The following COL4A2 variants were observed in gnomAD, a reference collection of about 807,000 sequenced individuals.
The protein encoded by COL4A2 is collagen type IV alpha 2 chain.
A neutral mutation model predicts 200.2 loss-of-function variants in COL4A2; 99 were observed. That is an observed-to-expected ratio of 0.49 (90% CI 0.42 to 0.58). COL4A2 has a LOEUF of 0.58. Among genes scored for constraint, COL4A2 ranks in the 20% least tolerant of loss-of-function variants. The pLI, the probability that COL4A2 is intolerant of heterozygous loss-of-function variation, is 0.00. For synonymous variants in COL4A2, 897 were observed against 900.6 expected (o/e 1.00, Z 0.07); for missense variants, 1,950 against 2,314.1 (o/e 0.84, Z 3.23).
At chr13:110,462,253 G>A in intron 23 of COL4A2, 25 bp from the exon 24 acceptor site, 1 of 1,614,220 alleles carries the variant, frequency 6.2e-7, no homozygotes, top group South Asian at 1.1e-5. Context: ...TGCCTGGGCA[G>A]CTTCACATGC....
rs563790171 is a variant in COL4A2, at chr13:110,438,045, G to A, written c.861+8G>A. The A allele has an allele frequency of 1.1e-5, 18 of 1,612,620 alleles. No individual in the cohort carries two copies. Among genetic ancestry groups the A allele is most frequent in the African/African-American group, 6.7e-5 (5 of 75,012 alleles). ...GGGGAACCAGGAATAAGAGTAAGTC[G>A]AGTAATGAGCATGCCCCCTCCCCTG... On this transcript the variant is annotated splice_region_variant and intron_variant, in intron 14 of 47. Coordinates refer to ENST00000360467, the MANE Select transcript of COL4A2 (RefSeq NM_001846.4).
chr13:110,412,762 C>T (rs576660551), intron 4 of COL4A2, among the ~76,000 whole-genome samples: 6 of 152,328 alleles, frequency 3.9e-5, no homozygotes, highest in South Asian at 4.1e-4. Flanking sequence ...AGGAGGGAGT[C>T]CTGGCATTCC....
intron 47 of COL4A2, 38 bp from the exon 48 acceptor site, chr13:110,511,896 G>A: frequency 1.2e-6 from 2 of 1,611,960 alleles, no homozygotes; most frequent in Non-Finnish European, 1.7e-6. Context: ...CCTGCAGGCT[G>A]TGATTCCTAA....
intron 29 of COL4A2, 22 bp from the exon 30 acceptor site, chr13:110,477,981 C>T (rs1277474219): frequency 4.6e-6 from 7 of 1,534,220 alleles, no homozygotes; most frequent in Non-Finnish European, 6.2e-6. Flanking sequence ...GCCCCCACAG[C>T]TCTTGTCTCT....
intron 4 of COL4A2, among the ~76,000 whole-genome samples, chr13:110,404,852 C>A (rs903286236): frequency 3.3e-5 from 5 of 152,196 alleles, no homozygotes; most frequent in African/African-American, 1.2e-4. Context: ...TGAGTTGGGG[C>A]TGGGCACGGT....
At chr13:110,493,134 C>A (rs1566565654) in intron 38 of COL4A2, 77 bp from the exon 39 acceptor site, 2 of 1,552,466 alleles carry the variant, frequency 1.3e-6, no homozygotes, top group Non-Finnish European at 8.8e-7. Context: ...ATGAGTGACA[C>A]CCCCGCAGGT....
chr13:110,495,294 GT>G, intron 39 of COL4A2, 47 bp from the exon 40 acceptor site: 1 of 1,612,946 alleles, frequency 6.2e-7, no homozygotes, highest in Non-Finnish European at 8.5e-7. Context: ...AAAGTCAACT[GT>G]ATGGTTGGAA....
At chr13:110,341,777 C>T (rs988042291) in intron 3 of COL4A2, among the ~76,000 whole-genome samples, 16 of 152,176 alleles carry the variant, frequency 1.1e-4, no homozygotes, top group African/African-American at 3.6e-4. Context: ...GCCAGAGGGC[C>T]GACGTTTCCT....
intron 21 of COL4A2, chr13:110,458,040 C>T (rs1043086678): frequency 2.3e-6 from 1 of 443,932 alleles, no homozygotes; most frequent in Admixed American, 2.5e-5. Context: ...AGGCTGTGCT[C>T]CTGCTCACCT....
intron 17 of COL4A2, among the ~76,000 whole-genome samples, chr13:110,446,378 G>A (rs755038524): frequency 1.3e-5 from 2 of 152,174 alleles, no homozygotes; most frequent in Non-Finnish European, 2.9e-5. Flanking sequence ...AAGGTGGTGC[G>A]CGGGATGCTG....
In COL4A2 at chr13:110,495,409, C is replaced by A. The variant is rs1883425151; in HGVS notation, c.3702C>A (p.Ala1234=). The change falls in exon 40 of 48, where the codon GCC becomes GCA. Residue 1234 remains alanine (A), a synonymous_variant. Transcript: ENST00000360467. ...PPGERGDPGE[A]NTLPGPVGVP... ...GGGAAAGAGGTGACCCAGGAGAGGC[C>A]AACACCCTTCCAGGCCCTGTGGGAG... 7 of 1,614,084 alleles carry A rather than the reference C, an allele frequency of 4.3e-6. No individual in the cohort carries two copies. Among genetic ancestry groups the A allele is most frequent in the Non-Finnish European group, 5.9e-6 (7 of 1,180,006 alleles).
At chr13:110,350,527 A>G (rs1485042427) in intron 3 of COL4A2, among the ~76,000 whole-genome samples, 3 of 152,180 alleles carry the variant, frequency 2.0e-5, no homozygotes, top group Non-Finnish European at 2.9e-5. Context: ...TCACTTTTCT[A>G]GGACAGACAT....
In COL4A2 at chr13:110,335,545, T is replaced by C. The variant is rs151121167; in HGVS notation, c.100-21927T>C. Among the ~76,000 whole-genome samples, 177 of 152,304 alleles carry C rather than the reference T, an allele frequency of 1.2e-3. 6 individuals are homozygous for C. In the East Asian group the frequency reaches 0.031, roughly 27 times the overall value. ...CAGCCACATGGAACTGTGAGTCCTT[T>C]AAACCCCTTTTTCTTTATAAATTAT... On this transcript the variant is annotated intron_variant, in intron 3 of 47. Transcript: ENST00000360467.
chr13:110,325,041 C>T (rs1471561350), intron 3 of COL4A2, among the ~76,000 whole-genome samples: 1 of 152,208 alleles, frequency 6.6e-6, no homozygotes, highest in Non-Finnish European at 1.5e-5. Flanking sequence ...GCAGCCTTCA[C>T]ATGCACAAGG....
rs201300563 is a variant in COL4A2 at position 110,508,052 on chromosome 13, C to T, written c.4712C>T (p.Ala1571Val). ...NDKSYWLSTT[A>V]PLPMMPVAED... Reference sequence around the variant, plus strand: ...AAGTCCTACTGGCTCTCTACCACTGCGCCGCTGCCCATGATGCCCGTGGCC... The same window carrying T: ...AAGTCCTACTGGCTCTCTACCACTGTGCCGCTGCCCATGATGCCCGTGGCC... Residue 1571 changes from alanine (A) to valine (V), a missense_variant, in exon 47 of 48, where the codon GCG becomes GTG. Coordinates refer to ENST00000360467, the MANE Select transcript of COL4A2 (RefSeq NM_001846.4). The surrounding 1 kb of genome is among the most constrained non-coding windows in gnomAD (Gnocchi z 6.1). The T allele has an allele frequency of 7.1e-5, 115 of 1,614,138 alleles. No homozygotes were observed. Among genetic ancestry groups the T allele is most frequent in the Middle Eastern group, 4.9e-4 (3 of 6,084 alleles).
chr13:110,343,747 A>G (rs931885321), intron 3 of COL4A2, among the ~76,000 whole-genome samples: 1 of 152,242 alleles, frequency 6.6e-6, no homozygotes, highest in African/African-American at 2.4e-5. Context: ...CAACCAGAAC[A>G]GAAATCTTAT....
At chr13:110,377,030 G>A (rs1307424636) in intron 4 of COL4A2, among the ~76,000 whole-genome samples, 2 of 151,298 alleles carry the variant, frequency 1.3e-5, no homozygotes, top group East Asian at 3.9e-4. Context: ...TTATTAAGGG[G>A]AAAACTTTAA....
intron 47 of COL4A2, among the ~76,000 whole-genome samples, chr13:110,509,792 A>G (rs1287805760): frequency 6.6e-6 from 1 of 152,200 alleles, no homozygotes; most frequent in African/African-American, 2.4e-5. Context: ...CTGGAACTTG[A>G]CATCCCCAAA....
At chr13:110,349,872 T>G (rs1199191328) in intron 3 of COL4A2, among the ~76,000 whole-genome samples, 1 of 152,206 alleles carries the variant, frequency 6.6e-6, no homozygotes, top group African/African-American at 2.4e-5. Flanking sequence ...GAAGTGATTC[T>G]TGTGTCTCAA....
Sources: gnomAD v4.1 joint callset for allele counts (sites outside exome capture counted in the v4.1 genomes callset) on GRCh38, gnomAD v4.1.1 for gene constraint, Gnocchi (gnomAD v3.1) non-coding constraint, MANE v1.5 for transcripts, NCBI Gene and HGNC (gene_info 2026-07-23, HGNC 2026-07-21) for gene names.